The following NLK variants were observed in gnomAD, a reference collection of about 807,000 sequenced individuals.
NLK encodes nemo like kinase, also known as serine/threonine-protein kinase NLK.
A neutral mutation model predicts 59.0 loss-of-function variants in NLK; 11 were observed. The ratio of observed to expected loss-of-function variants is 0.19; its 90% CI spans 0.12 to 0.31. NLK has a LOEUF of 0.31. Among genes scored for constraint, NLK ranks in the 10% least tolerant of loss-of-function variants. The probability of loss-of-function intolerance (pLI) is 1.00; values close to 1 mark genes in which losing one functional copy is unlikely to be tolerated. For missense variants in NLK, 410 were observed against 661.1 expected (o/e 0.62, Z 4.16); for synonymous variants, 235 against 235.9 (o/e 1.00, Z 0.03).
At chr17:28,125,765 G>A (rs994793865) in intron 2 of NLK, among the ~76,000 whole-genome samples, 1 of 152,198 alleles carries the variant, frequency 6.6e-6, no homozygotes, top group African/African-American at 2.4e-5. Context: ...TATGTAAGGA[G>A]TGCGGTGCTA....
chr17:28,094,754 A>T (rs1904640602), intron 1 of NLK, among the ~76,000 whole-genome samples: 1 of 152,198 alleles, frequency 6.6e-6, no homozygotes, highest in South Asian at 2.1e-4. Flanking sequence ...GGATTACAAA[A>T]GTTCAACTTA....
At chr17:28,108,608 T>A (rs577035143) in intron 1 of NLK, among the ~76,000 whole-genome samples, 1 of 152,188 alleles carries the variant, frequency 6.6e-6, no homozygotes, top group Non-Finnish European at 1.5e-5. Flanking sequence ...CTGTTTACAG[T>A]GACACACATA....
intron 7 of NLK, among the ~76,000 whole-genome samples, chr17:28,177,267 C>G (rs1908721195): frequency 6.6e-6 from 1 of 152,120 alleles, no homozygotes; most frequent in African/African-American, 2.4e-5. Flanking sequence ...CTGTGTTGTT[C>G]AAGGGTCAAC....
intron 1 of NLK, among the ~76,000 whole-genome samples, chr17:28,070,605 C>A (rs939739055): frequency 6.6e-6 from 1 of 151,926 alleles, no homozygotes. Flanking sequence ...CCCACCTCGG[C>A]CTCCCAAAGT....
chr17:28,063,029 T>C (rs867607601), intron 1 of NLK, among the ~76,000 whole-genome samples: 11 of 152,274 alleles, frequency 7.2e-5, no homozygotes, highest in Middle Eastern at 3.4e-3. Context: ...CTGCCCAGGC[T>C]CAGGTGATCT....
At chr17:28,132,960 C>G (rs1367151665) in intron 3 of NLK, among the ~76,000 whole-genome samples, 1 of 152,160 alleles carries the variant, frequency 6.6e-6, no homozygotes, top group African/African-American at 2.4e-5. Flanking sequence ...GCAGATGAAA[C>G]CAGTGAGGCA....
At chr17:28,102,074 G>A (rs1904921934) in intron 1 of NLK, among the ~76,000 whole-genome samples, 1 of 152,082 alleles carries the variant, frequency 6.6e-6, no homozygotes, top group African/African-American at 2.4e-5. Context: ...TGTCCATTAT[G>A]ATAGCCTCTG....
chr17:28,156,252 T>TGAGGGGA (rs1907712011), intron 3 of NLK, among the ~76,000 whole-genome samples: 1 of 152,178 alleles, frequency 6.6e-6, no homozygotes. Flanking sequence ...TTTCCTCTAT[T>TGAGGGGA]CTTTTTTATT....
intron 1 of NLK, among the ~76,000 whole-genome samples, chr17:28,047,690 C>G (rs1483506271): frequency 6.6e-6 from 1 of 152,166 alleles, no homozygotes; most frequent in Non-Finnish European, 1.5e-5. Context: ...AAAAATTACT[C>G]AGTATAAGCC....
At chr17:28,193,992 T>C (rs1909399641) in intron 10 of NLK, among the ~76,000 whole-genome samples, 1 of 152,156 alleles carries the variant, frequency 6.6e-6, no homozygotes, top group Admixed American at 6.6e-5. Context: ...TTAGCAATCT[T>C]AGACATAGGA....
At chr17:28,130,314 A>T (rs758682806) in intron 2 of NLK, among the ~76,000 whole-genome samples, 10 of 152,184 alleles carry the variant, frequency 6.6e-5, no homozygotes, top group Non-Finnish European at 1.3e-4. Flanking sequence ...AGATTCCTAG[A>T]TCATTTCTAC....
At chr17:28,086,580 A>G (rs555290762) in intron 1 of NLK, among the ~76,000 whole-genome samples, 150 of 152,222 alleles carry the variant, frequency 9.9e-4, no homozygotes, top group South Asian at 1.7e-3. Flanking sequence ...ACATAACTGA[A>G]TTTTTATAAA....
intron 1 of NLK, among the ~76,000 whole-genome samples, chr17:28,067,116 C>G (rs1203605887): frequency 6.6e-6 from 1 of 152,078 alleles, no homozygotes. Flanking sequence ...TCCAGTTGAT[C>G]CACTTTTTCT....
intron 1 of NLK, among the ~76,000 whole-genome samples, chr17:28,101,802 C>T (rs1904911046): frequency 6.6e-6 from 1 of 151,854 alleles, no homozygotes; most frequent in Non-Finnish European, 1.5e-5. Context: ...ATTTTTTTCC[C>T]TATTGGCTAG....
chr17:28,103,360 A>T (rs1904967639), intron 1 of NLK, among the ~76,000 whole-genome samples: 1 of 152,130 alleles, frequency 6.6e-6, no homozygotes, highest in South Asian at 2.1e-4. Context: ...ATTGTGCTTT[A>T]CCCTTTTTTC....
Position 28,190,068 on chromosome 17 carries a change from T to G in NLK, c.1237-953T>G, listed in dbSNP as rs1340152014. On this transcript the variant is annotated intron_variant, in intron 8 of 10. Transcript: ENST00000407008. Reference sequence around the variant, plus strand: ...TTTTTGGTTTATCTGAGAACAAAAGTGGTTTTCATTTTTAAATTGTGTAAT... The same window carrying G: ...TTTTTGGTTTATCTGAGAACAAAAGGGGTTTTCATTTTTAAATTGTGTAAT... Among the ~76,000 whole-genome samples, 4 of 152,300 alleles carry G rather than the reference T, an allele frequency of 2.6e-5. No homozygotes were observed. The East Asian group carries it at 7.7e-4, about 29-fold the overall frequency.
intron 1 of NLK, among the ~76,000 whole-genome samples, chr17:28,052,264 A>G (rs1178068017): frequency 6.6e-6 from 1 of 152,228 alleles, no homozygotes; most frequent in East Asian, 1.9e-4. Context: ...AAATTTTTAA[A>G]TAAAATTTAA....
At chr17:28,104,743 T>A (rs1344722311) in intron 1 of NLK, among the ~76,000 whole-genome samples, 1 of 152,102 alleles carries the variant, frequency 6.6e-6, no homozygotes, top group Non-Finnish European at 1.5e-5. Flanking sequence ...TAACTTTCAG[T>A]TATTTGGTAA....
At chr17:28,166,107 C>G (rs1908221682) in intron 5 of NLK, among the ~76,000 whole-genome samples, 1 of 152,142 alleles carries the variant, frequency 6.6e-6, no homozygotes, top group South Asian at 2.1e-4. Flanking sequence ...CCCAGCTGCT[C>G]AGGAGGCAGA....
Sources: gnomAD v4.1 joint callset for allele counts (sites outside exome capture counted in the v4.1 genomes callset) on GRCh38, gnomAD v4.1.1 for gene constraint, MANE v1.5 for transcripts, NCBI Gene and HGNC (gene_info 2026-07-23, HGNC 2026-07-21) for gene names.